EYA4: variants seen among roughly 807,000 people sequenced by gnomAD.
EYA4 encodes EYA transcriptional coactivator and phosphatase 4.
EYA4 carries 31 observed loss-of-function variants against 87.9 expected under a neutral mutation model. The ratio of observed to expected loss-of-function variants is 0.35; its 90% CI spans 0.27 to 0.48. The LOEUF is 0.48. Ranked by LOEUF, EYA4 falls within the 20% of genes least tolerant of loss-of-function variation. The pLI, the probability that EYA4 is intolerant of heterozygous loss-of-function variation, is 0.99. For missense variants in EYA4, 678 were observed against 761.4 expected, an observed-to-expected ratio of 0.89 and a Z score of 1.29; for synonymous variants, 263 against 270.6, an observed-to-expected ratio of 0.97 and a Z score of 0.28.
rs1290876549 is a variant in EYA4, at chr6:133,512,701, T to C, written c.1282-20T>C. 6.3e-7 allele frequency: 1 copy of C among 1,590,940 alleles called. No homozygotes were observed. The highest frequency in any genetic ancestry group is 8.6e-7 in the Non-Finnish European group (1 of 1,158,898). On this transcript the variant is annotated intron_variant, in intron 14 of 19. Coordinates refer to ENST00000355286, the MANE Select transcript of EYA4 (RefSeq NM_004100.5). ...AAGCATCATTTAGAAAACAAATAACTTTTCCAATGTTTTTAACAGGAGTGT... is the reference window on the plus strand; with the variant it reads ...AAGCATCATTTAGAAAACAAATAACCTTTCCAATGTTTTTAACAGGAGTGT...
chr6:133,509,484 C>T (rs1244812885), intron 14 of EYA4, among the ~76,000 whole-genome samples: 1 of 151,960 alleles, frequency 6.6e-6, no homozygotes, highest in Non-Finnish European at 1.5e-5. Flanking sequence ...GCAGCTGTTC[C>T]TCACATAATT....
chr6:133,483,168 T>C (rs536045343), intron 13 of EYA4, 53 bp downstream of exon 13: 1 of 1,415,714 alleles, frequency 7.1e-7, no homozygotes, highest in South Asian at 1.2e-5. Context: ...TTTTTGTGTT[T>C]GTTTAAAATC....
At chr6:133,326,070 A>G (rs1344351622) in intron 2 of EYA4, among the ~76,000 whole-genome samples, 1 of 152,140 alleles carries the variant, frequency 6.6e-6, no homozygotes, top group African/African-American at 2.4e-5. Flanking sequence ...TACATCTTTC[A>G]AGTTCAGATT....
Position 133,456,644 on chromosome 6 carries a change from G to C in EYA4, c.366G>C (p.Gly122=), listed in dbSNP as rs1793931944. ...TGDGALDTFT[G]SVITSSGYSP... is the part of the protein sequence containing the mutation. Reference sequence around the variant, plus strand: ...ATGGAGCGCTTGACACTTTTACTGGGTCAGGTAAAGCCTTTAGCTCGTGTG... The same window carrying C: ...ATGGAGCGCTTGACACTTTTACTGGCTCAGGTAAAGCCTTTAGCTCGTGTG... Residue 122 remains glycine (G), a synonymous_variant, in exon 6 of 20, where the codon GGG becomes GGC. Transcript: ENST00000355286. 6.2e-7 allele frequency: 1 copy of C among 1,608,292 alleles called. No individual in the cohort carries two copies. The highest frequency in any genetic ancestry group is 1.3e-5 in the African/African-American group (1 of 74,782).
At chr6:133,253,698 A>G (rs951253560) in intron 1 of EYA4, among the ~76,000 whole-genome samples, 1 of 152,116 alleles carries the variant, frequency 6.6e-6, no homozygotes, top group Non-Finnish European at 1.5e-5. Context: ...GCTTAGCTCA[A>G]ATGTCACCTC....
At chr6:133,281,884 TC>T (rs1173576063) in intron 2 of EYA4, among the ~76,000 whole-genome samples, 3 of 152,128 alleles carry the variant, frequency 2.0e-5, no homozygotes, top group South Asian at 4.1e-4. Flanking sequence ...GTTTTTTTTT[TC>T]CTGTGTTGAT....
chr6:133,466,325 A>G (rs1374313014), intron 10 of EYA4, among the ~76,000 whole-genome samples: 2 of 152,168 alleles, frequency 1.3e-5, no homozygotes, highest in Non-Finnish European at 2.9e-5. Context: ...TTCTCTGTGA[A>G]GATTTAAATA....
intron 1 of EYA4, among the ~76,000 whole-genome samples, chr6:133,260,385 C>T (rs571323688): frequency 9.2e-5 from 14 of 152,000 alleles, no homozygotes; most frequent in Non-Finnish European, 1.9e-4. Flanking sequence ...TCACAGGTGC[C>T]CACCACCATG....
intron 14 of EYA4, 96 bp from the exon 15 acceptor site, chr6:133,512,625 G>T: frequency 1.1e-6 from 1 of 927,686 alleles, no homozygotes. Flanking sequence ...GCCATCTTCT[G>T]GTGGTAGTCT....
At chr6:133,268,621 C>A (rs534442188) in intron 1 of EYA4, among the ~76,000 whole-genome samples, 5 of 152,130 alleles carry the variant, frequency 3.3e-5, no homozygotes, top group Non-Finnish European at 7.4e-5. Context: ...TAACTATTTG[C>A]GTGCATCATT....
At chr6:133,502,369 C>A (rs1798206730) in intron 13 of EYA4, 2 of 152,250 alleles carry the variant, frequency 1.3e-5, no homozygotes, top group Admixed American at 1.3e-4. Context: ...AAAAAAGCAA[C>A]TCTTGATTCA....
intron 2 of EYA4, among the ~76,000 whole-genome samples, chr6:133,324,108 A>G (rs942096784): frequency 2.6e-5 from 4 of 152,298 alleles, no homozygotes; most frequent in Admixed American, 6.5e-5. Context: ...TTGGACACCA[A>G]TTCATATATA....
chr6:133,482,590 C>A (rs1308196208), intron 12 of EYA4, among the ~76,000 whole-genome samples: 1 of 152,100 alleles, frequency 6.6e-6, no homozygotes, highest in Non-Finnish European at 1.5e-5. Context: ...CTAATGTGAC[C>A]CCAGGATCTA....
At chr6:133,421,125 G>T (rs151130689) in intron 3 of EYA4, among the ~76,000 whole-genome samples, 1 of 152,052 alleles carries the variant, frequency 6.6e-6, no homozygotes, top group Non-Finnish European at 1.5e-5. Flanking sequence ...GGCTAGTTAC[G>T]GCCTCATTAT....
At chr6:133,410,110 T>C (rs5022972) in intron 3 of EYA4, among the ~76,000 whole-genome samples, 9,522 of 152,114 alleles carry the variant, frequency 0.063, 868 homozygotes, top group African/African-American at 0.19. Context: ...CCAGTTTAGA[T>C]AGAGATAATA....
intron 13 of EYA4, among the ~76,000 whole-genome samples, chr6:133,489,417 A>C (rs1318478123): frequency 6.6e-6 from 1 of 152,148 alleles, no homozygotes; most frequent in African/African-American, 2.4e-5. Context: ...TAGAACACCA[A>C]TAAAATTTAA....
At chr6:133,303,287 C>T (rs1779553832) in intron 2 of EYA4, among the ~76,000 whole-genome samples, 1 of 152,074 alleles carries the variant, frequency 6.6e-6, no homozygotes, top group Admixed American at 6.6e-5. Flanking sequence ...GGACTAGATA[C>T]ATTAATTTAT....
rs1358713017 is a variant in EYA4 at position 133,483,244 on chromosome 6, T to A, written c.1191+129T>A. On this transcript the variant is annotated intron_variant, in intron 13 of 19. Transcript: ENST00000355286. ...AGTCTGTGAAATCTTCTCTTAATTA[T>A]CTATTTCTAGTGTCTTATAGTTCTT... 29 of 695,002 alleles carry A rather than the reference T, an allele frequency of 4.2e-5. No individual in the cohort carries two copies. In the East Asian group the frequency reaches 7.5e-4, roughly 18 times the overall value. The allele number at this position is 695,002 out of a possible 1,614,324, so 43.1% of individuals were successfully genotyped here. A position where few individuals can be genotyped will look rare whatever the true frequency, so the allele number is the denominator to read the frequency against.
chr6:133,387,742 T>A (rs557199893), intron 3 of EYA4, among the ~76,000 whole-genome samples: 2 of 152,342 alleles, frequency 1.3e-5, no homozygotes, highest in South Asian at 4.1e-4. Context: ...AATTCTCATG[T>A]CATTTATTTA....
Sources: allele counts gnomAD v4.1 joint callset (sites outside exome capture counted in the v4.1 genomes callset), GRCh38; gene constraint gnomAD v4.1.1; transcripts MANE v1.5; gene names NCBI Gene and HGNC (gene_info 2026-07-23, HGNC 2026-07-21).